The following LAPTM4B variants were observed in gnomAD, a reference collection of about 807,000 sequenced individuals.
LAPTM4B encodes the protein lysosomal protein transmembrane 4 beta.
In LAPTM4B, 26 loss-of-function variants were observed where a neutral mutation model predicts 28.5. The ratio of observed to expected loss-of-function variants is 0.91; its 90% CI spans 0.67 to 1.27. The LOEUF is 1.27. Ranked by LOEUF, LAPTM4B falls within the 50% of genes most tolerant of loss-of-function variation. LAPTM4B has a pLI of 0.00. For synonymous variants in LAPTM4B, 109 were observed against 106.4 expected (o/e 1.02, Z -0.15); for missense variants, 288 against 285.8 (o/e 1.01, Z -0.06).
At chr8:97,828,867 A>C (rs567121053) in intron 6 of LAPTM4B, among the ~76,000 whole-genome samples, 2 of 152,326 alleles carry the variant, frequency 1.3e-5, no homozygotes, top group East Asian at 3.9e-4. Context: ...AAGCAAGGGA[A>C]TTCATCGAAT....
At chr8:97,785,311 A>G (rs1816383862) in intron 1 of LAPTM4B, among the ~76,000 whole-genome samples, 1 of 152,106 alleles carries the variant, frequency 6.6e-6, no homozygotes, top group Non-Finnish European at 1.5e-5. Context: ...TCTTGACCTC[A>G]GGTGATCCGC....
intron 1 of LAPTM4B, among the ~76,000 whole-genome samples, chr8:97,801,776 G>A (rs573587449): frequency 1.8e-4 from 27 of 151,154 alleles, no homozygotes; most frequent in South Asian, 6.3e-4. Context: ...CCTGGGTGGT[G>A]GAGGTTGCGG....
Position 97,775,936 on chromosome 8 carries a change from G to GGAGC in LAPTM4B, c.-74_-73insGAGC. The GGAGC allele has an allele frequency of 1.4e-6, 2 of 1,469,452 alleles. No individual in the cohort carries two copies. The highest frequency in any genetic ancestry group is 1.8e-6 in the Non-Finnish European group (2 of 1,119,020). 91.0% of individuals were successfully genotyped at this position (1,469,452 alleles called of 1,614,324 possible). ...CGGCGGAGGAGCCGGCAGCAGCGGC[G>GGAGC]CGGCGGGCTCCAGGCGAGGCGGTCG... On this transcript the variant is annotated 5_prime_UTR_variant, in exon 1 of 7. Transcript: ENST00000521545.
Position 97,805,344 on chromosome 8 carries a change from T to TTTTTTTGCAGATCATCAA in LAPTM4B, c.100-8_100-7insTTTTTGCAGATCATCAAT. 1 of 1,379,216 alleles carries TTTTTTTGCAGATCATCAA rather than the reference T, an allele frequency of 7.3e-7. No homozygotes were observed. Among genetic ancestry groups the TTTTTTTGCAGATCATCAA allele is most frequent in the Non-Finnish European group, 1.0e-6 (1 of 991,268 alleles). The allele number at this position is 1,379,216 out of a possible 1,614,324, so 85.4% of individuals were successfully genotyped here. On this transcript the variant is annotated splice_polypyrimidine_tract_variant and intron_variant, in intron 1 of 6. Transcript: ENST00000521545. ...AAATTCTTTTTTTTTTTTTTTTTTCTTGTTGCAGATCATCAATGCTGTGGT... is the reference window on the plus strand; with the variant it reads ...AAATTCTTTTTTTTTTTTTTTTTTCTTTTTTTGCAGATCATCAATGTTGCAGATCATCAATGCTGTGGT...
At chr8:97,822,331 A>G (rs1442465068) in intron 5 of LAPTM4B, among the ~76,000 whole-genome samples, 3 of 152,148 alleles carry the variant, frequency 2.0e-5, no homozygotes, top group African/African-American at 7.2e-5. Context: ...TCTAGATTTT[A>G]TAAATCTTAC....
rs989020072 is a variant in LAPTM4B at position 97,838,790 on chromosome 8, A to T, written c.604-12607A>T. Reference sequence around the variant, plus strand: ...AGTCAGAAACTTTAAAAGCAGTGGGATTTTCTGGTTTGTTGTTCGTTTGCT... The same window carrying T: ...AGTCAGAAACTTTAAAAGCAGTGGGTTTTTCTGGTTTGTTGTTCGTTTGCT... On this transcript the variant is annotated intron_variant, in intron 6 of 6. Transcript: ENST00000521545. 1.3e-5 allele frequency among the ~76,000 whole-genome samples: 2 copies of T among 151,770 alleles called. 1 individual carries two copies. Among genetic ancestry groups the T allele is most frequent in the South Asian group, 4.2e-4 (2 of 4,808 alleles).
Position 97,851,693 on chromosome 8 carries a change from G to A in LAPTM4B, c.*219G>A. 3.5e-6 allele frequency: 2 copies of A among 574,298 alleles called. No individual in the cohort carries two copies. Among genetic ancestry groups the A allele is most frequent in the Non-Finnish European group, 6.2e-6 (2 of 323,658 alleles). The allele number at this position is 574,298 out of a possible 1,614,324, so 35.6% of individuals were successfully genotyped here. A position where few individuals can be genotyped will look rare whatever the true frequency, so the allele number is the denominator to read the frequency against. On this transcript the variant is annotated 3_prime_UTR_variant, in exon 7 of 7. Coordinates refer to ENST00000521545, the MANE Select transcript of LAPTM4B (RefSeq NM_018407.6). ...CTGTAGAATTCTTCCTGTACGATTGGGGATATAATGGGCTTCACTAACCTT... is the reference window on the plus strand; with the variant it reads ...CTGTAGAATTCTTCCTGTACGATTGAGGATATAATGGGCTTCACTAACCTT...
At chr8:97,783,091 T>TTTA (rs1491341251) in intron 1 of LAPTM4B, among the ~76,000 whole-genome samples, 2 of 136,076 alleles carry the variant, frequency 1.5e-5, no homozygotes, top group African/African-American at 5.8e-5. Context: ...TTTTTTTTTT[T>TTTA]AAATATCCTT....
At chr8:97,821,060 G>A (rs139291432) in intron 5 of LAPTM4B, among the ~76,000 whole-genome samples, 4,301 of 151,270 alleles carry the variant, frequency 0.028, 205 homozygotes, top group African/African-American at 0.099. Flanking sequence ...AAATAAGGCC[G>A]GGTGTGGTGG....
chr8:97,832,544 G>A (rs1344231158), intron 6 of LAPTM4B, among the ~76,000 whole-genome samples: 1 of 152,068 alleles, frequency 6.6e-6, no homozygotes, highest in Non-Finnish European at 1.5e-5. Flanking sequence ...TCTTCTGAAA[G>A]AATTATATTC....
At chr8:97,781,278 CTTT>C (rs71271147) in intron 1 of LAPTM4B, among the ~76,000 whole-genome samples, 6 of 50,838 alleles carry the variant, frequency 1.2e-4, no homozygotes, top group African/African-American at 6.6e-4. Flanking sequence ...TGTGCCCGGC[CTTT>C]TTTTTTTTTT....
intron 6 of LAPTM4B, among the ~76,000 whole-genome samples, chr8:97,840,027 G>T (rs547364182): frequency 2.0e-5 from 3 of 152,160 alleles, no homozygotes; most frequent in Non-Finnish European, 4.4e-5. Flanking sequence ...TGGTGGGATT[G>T]TATCCCCCTG....
chr8:97,823,864 A>C (rs971580308), intron 5 of LAPTM4B, among the ~76,000 whole-genome samples: 1 of 150,788 alleles, frequency 6.6e-6, no homozygotes, highest in African/African-American at 2.4e-5. Context: ...CACCCAGCTA[A>C]TGTTTTTGTA....
chr8:97,780,845 T>C (rs1044301193), intron 1 of LAPTM4B, among the ~76,000 whole-genome samples: 6 of 152,190 alleles, frequency 3.9e-5, no homozygotes, highest in Non-Finnish European at 7.3e-5. Context: ...TGAAGTAAAG[T>C]ATATTGACTT....
intron 6 of LAPTM4B, among the ~76,000 whole-genome samples, chr8:97,830,701 G>T (rs1185853536): frequency 6.6e-6 from 1 of 152,176 alleles, no homozygotes; most frequent in African/African-American, 2.4e-5. Flanking sequence ...GGAAGGTTCT[G>T]TAGACGGACC....
At chr8:97,813,701 A>G (rs551827894) in intron 2 of LAPTM4B, among the ~76,000 whole-genome samples, 22 of 121,946 alleles carry the variant, frequency 1.8e-4, no homozygotes, top group African/African-American at 5.0e-4. Context: ...TGCTTCTCCA[A>G]TGCATTTTAT....
At chr8:97,777,429 A>G (rs1272815607) in intron 1 of LAPTM4B, among the ~76,000 whole-genome samples, 1 of 151,914 alleles carries the variant, frequency 6.6e-6, no homozygotes, top group Admixed American at 6.6e-5. Context: ...TACAGGCGTG[A>G]GTGAGCCACC....
chr8:97,823,356 G>GTTTTTT (rs72472850), intron 5 of LAPTM4B, among the ~76,000 whole-genome samples: 1 of 131,108 alleles, frequency 7.6e-6, no homozygotes, highest in African/African-American at 3.0e-5. Context: ...TTTTTTTTTT[G>GTTTTTT]TTTTTTTTTT....
chr8:97,838,532 C>T (rs999616735), intron 6 of LAPTM4B, among the ~76,000 whole-genome samples: 1 of 152,194 alleles, frequency 6.6e-6, no homozygotes, highest in Non-Finnish European at 1.5e-5. Context: ...GAAACTGAGG[C>T]ACCAAGAGGG....
Sources: gnomAD v4.1 joint callset for allele counts (sites outside exome capture counted in the v4.1 genomes callset) on GRCh38, gnomAD v4.1.1 for gene constraint, MANE v1.5 for transcripts, NCBI Gene and HGNC (gene_info 2026-07-23, HGNC 2026-07-21) for gene names.